ADA: variants seen among roughly 807,000 people sequenced by gnomAD.
ADA encodes adenosine aminohydrolase.
Under a neutral mutation model 49.0 loss-of-function variants are expected in ADA, and 45 were observed. That is an observed-to-expected ratio of 0.92 (90% CI 0.72 to 1.18). The LOEUF is 1.18. ADA is among the 50% of genes most tolerant of loss of function. The probability of loss-of-function intolerance (pLI) is 0.00; values close to 1 mark genes in which losing one functional copy is unlikely to be tolerated. For missense variants in ADA, 445 were observed against 472.5 expected (o/e 0.94, Z 0.54); for synonymous variants, 173 against 184.2 (o/e 0.94, Z 0.49).
At chr20:44,641,566 A>G (rs2065534786) in intron 1 of ADA, among the ~76,000 whole-genome samples, 1 of 151,952 alleles carries the variant, frequency 6.6e-6, no homozygotes, top group Non-Finnish European at 1.5e-5. Context: ...GAGTGAAAGG[A>G]GTTGCATGAG....
chr20:44,650,171 A>G (rs2065630484), intron 1 of ADA, among the ~76,000 whole-genome samples: 1 of 152,222 alleles, frequency 6.6e-6, no homozygotes, highest in South Asian at 2.1e-4. Context: ...CAGCTCCAGT[A>G]AGACGTGAAG....
At chr20:44,641,484 A>T (rs2145348856) in intron 1 of ADA, among the ~76,000 whole-genome samples, 1 of 152,328 alleles carries the variant, frequency 6.6e-6, no homozygotes, top group East Asian at 1.9e-4. Context: ...CATGTGGGTC[A>T]AGAGAATGGC....
chr20:44,645,690 C>T (rs2145356727), intron 1 of ADA, among the ~76,000 whole-genome samples: 1 of 152,310 alleles, frequency 6.6e-6, no homozygotes, highest in East Asian at 1.9e-4. Flanking sequence ...TGCTGCAGCA[C>T]CTGCTCTGAG....
intron 1 of ADA, among the ~76,000 whole-genome samples, chr20:44,639,447 C>T (rs1359868116): frequency 3.3e-5 from 5 of 152,062 alleles, no homozygotes; most frequent in African/African-American, 4.8e-5. Context: ...GAGTTTCACT[C>T]TGTTGCCCAG....
At chr20:44,641,877 C>T (rs532791261) in intron 1 of ADA, among the ~76,000 whole-genome samples, 8 of 151,588 alleles carry the variant, frequency 5.3e-5, no homozygotes, top group African/African-American at 1.9e-4. Context: ...AAGGGATTCT[C>T]GTGCCTCAGC....
chr20:44,641,689 G>T (rs936197002), intron 1 of ADA, among the ~76,000 whole-genome samples: 4 of 152,098 alleles, frequency 2.6e-5, no homozygotes, highest in Non-Finnish European at 5.9e-5. Context: ...AGTCACGTCC[G>T]CTTGTGGGTG....
chr20:44,629,670 G>T (rs562032005), intron 2 of ADA, among the ~76,000 whole-genome samples: 1 of 152,290 alleles, frequency 6.6e-6, no homozygotes, highest in African/African-American at 2.4e-5. Context: ...CACATCAGAG[G>T]CTTGCCCAGC....
chr20:44,622,905 C>T lies in ADA; in HGVS notation c.704G>A (p.Arg235Gln), dbSNP rs79281338. Reference protein sequence around the residue: ...KEAVDILKTERLGHGYHTLED... With the variant: ...KEAVDILKTEQLGHGYHTLED... ...CAGGGTGTGGTAGCCGTGTCCCAGC[C>T]GCTCTGTCTTGAGTATGTCCACAGC... is the stretch of plus-strand genomic sequence containing the variant. The change falls in exon 8 of 12, where the codon CGG (arginine) becomes CAG (glutamine). Residue 235 changes from arginine (R) to glutamine (Q), a missense_variant. Coordinates refer to ENST00000372874, the MANE Select transcript of ADA (RefSeq NM_000022.4). 6.8e-6 allele frequency: 11 copies of T among 1,614,108 alleles called. No homozygotes were observed. Among genetic ancestry groups the T allele is most frequent in the Middle Eastern group, 1.6e-4 (1 of 6,084 alleles).
intron 1 of ADA, among the ~76,000 whole-genome samples, chr20:44,650,103 AG>A (rs1487754413): frequency 1.3e-5 from 2 of 152,206 alleles, no homozygotes; most frequent in African/African-American, 4.8e-5. Flanking sequence ...CCAAGGGCAG[AG>A]GGAGCCCAGA....
At chr20:44,623,719 CTTTCTCTTTCT>C (rs1600920593) in intron 6 of ADA, among the ~76,000 whole-genome samples, 2 of 149,992 alleles carry the variant, frequency 1.3e-5, no homozygotes, top group African/African-American at 2.5e-5. Context: ...TCCTCTCTTT[CTTTCTCTTTCT>C]TTTCTCTTTC....
In ADA at chr20:44,619,757, A is replaced by C; in HGVS notation, c.*77T>G. Reference sequence around the variant, plus strand: ...TTGAGATCATGGTCTTCTTGGAAGGAATAAATGTAAAAATGTTGCTCAGCC... The same window carrying C: ...TTGAGATCATGGTCTTCTTGGAAGGCATAAATGTAAAAATGTTGCTCAGCC... On this transcript the variant is annotated 3_prime_UTR_variant, in exon 12 of 12. Transcript: ENST00000372874. The C allele has an allele frequency of 2.5e-6, 4 of 1,572,436 alleles. No individual in the cohort carries two copies. The highest frequency in any genetic ancestry group is 3.5e-6 in the Non-Finnish European group (4 of 1,142,242).
At chr20:44,643,871 G>A (rs149339255) in intron 1 of ADA, among the ~76,000 whole-genome samples, 26 of 152,224 alleles carry the variant, frequency 1.7e-4, no homozygotes, top group African/African-American at 6.0e-4. Context: ...GCCAGGCACC[G>A]TGGAGGCCCT....
At chr20:44,620,165 G>T in intron 11 of ADA, 134 bp downstream of exon 11, 1 of 867,512 alleles carries the variant, frequency 1.2e-6, no homozygotes, top group Non-Finnish European at 2.0e-6. Context: ...CCCAGCCAGG[G>T]CCCAGAAACC....
chr20:44,651,612 C>G lies in ADA; in HGVS notation c.-5G>C. ...GAAGGCGGGCGTCTGGGCCATGGTGCCCTCGTGCGCCCCGGCGCTGCTCCC... is the reference window on the plus strand; with the variant it reads ...GAAGGCGGGCGTCTGGGCCATGGTGGCCTCGTGCGCCCCGGCGCTGCTCCC... On this transcript the variant is annotated 5_prime_UTR_variant, in exon 1 of 12. Transcript: ENST00000372874. 1 of 1,533,032 alleles carries G rather than the reference C, an allele frequency of 6.5e-7. No homozygotes were observed. The highest frequency in any genetic ancestry group is 1.2e-5 in the South Asian group (1 of 84,070). The allele number at this position is 1,533,032 out of a possible 1,614,324, so 95.0% of individuals were successfully genotyped here.
chr20:44,626,037 C>T (rs190154137), intron 4 of ADA, among the ~76,000 whole-genome samples: 3 of 152,278 alleles, frequency 2.0e-5, no homozygotes, highest in African/African-American at 7.2e-5. Context: ...TGTGATACCA[C>T]TTAGAGATCC....
Position 44,620,848 on chromosome 20 carries a change from G to C in ADA, c.975+170C>G, listed in dbSNP as rs113580546. Reference sequence around the variant, plus strand: ...GATCAAAAACCTGGTCCTAGGTCAGGACGTCAACACAAAGATGTCTTCTCT... The same window carrying C: ...GATCAAAAACCTGGTCCTAGGTCAGCACGTCAACACAAAGATGTCTTCTCT... On this transcript the variant is annotated intron_variant, in intron 10 of 11. Coordinates refer to ENST00000372874, the MANE Select transcript of ADA (RefSeq NM_000022.4). 5.0e-4 allele frequency: 445 copies of C among 893,822 alleles called. 3 individuals carry two copies. The African/African-American group carries it at 6.2e-3, about 13-fold the overall frequency. The allele number at this position is 893,822 out of a possible 1,614,324, so 55.4% of individuals were successfully genotyped here.
At chr20:44,625,513 G>A in intron 5 of ADA, 56 bp downstream of exon 5, 1 of 1,478,372 alleles carries the variant, frequency 6.8e-7, no homozygotes, top group African/African-American at 1.4e-5. Context: ...GCTAGGCCAG[G>A]AGGTCAGGGC....
At chr20:44,624,498 T>C (rs1243068018) in intron 5 of ADA, among the ~76,000 whole-genome samples, 169 bp from the exon 6 acceptor site, 5 of 152,264 alleles carry the variant, frequency 3.3e-5, no homozygotes, top group Non-Finnish European at 5.9e-5. Flanking sequence ...TGCGGAAAAC[T>C]GCTCTGCTTA....
rs572477302 is a variant in ADA, at chr20:44,639,876, G to A, written c.34-3588C>T. ...AGCTCACCTAGGGAGAAAATATCAA[G>A]GGAGGTAAGGAAAAGGCCTAGGATG... On this transcript the variant is annotated intron_variant, in intron 1 of 11. Coordinates refer to ENST00000372874, the MANE Select transcript of ADA (RefSeq NM_000022.4). Among the ~76,000 whole-genome samples, 42 of 152,214 alleles carry A rather than the reference G, an allele frequency of 2.8e-4. 1 individual carries two copies. The highest frequency in any genetic ancestry group is 9.2e-4 in the African/African-American group (38 of 41,522).
Sources: allele counts gnomAD v4.1 joint callset (sites outside exome capture counted in the v4.1 genomes callset), GRCh38; gene constraint gnomAD v4.1.1; transcripts MANE v1.5; gene names NCBI Gene and HGNC (gene_info 2026-07-23, HGNC 2026-07-21).